Variants in SRSF1 observed in about 807,000 individuals in gnomAD.
SRSF1 encodes the protein serine/arginine-rich splicing factor 1.
In SRSF1, 1 loss-of-function variant was observed where a neutral mutation model predicts 25.9. The ratio of observed to expected loss-of-function variants is 0.04; its 90% confidence interval spans 0.01 to 0.18. The LOEUF is 0.18. SRSF1 is among the 10% of genes least tolerant of loss of function. The pLI is 1.00. For missense variants in SRSF1, 65 were observed against 350.5 expected, an observed-to-expected ratio of 0.19 and a Z score of 6.50; for synonymous variants, 132 against 126.2, an observed-to-expected ratio of 1.05 and a Z score of -0.31.
In SRSF1 at chr17:58,002,050, A is replaced by G. The variant is rs1347575394; in HGVS notation, c.*3356T>C. ...CAAAGTTTACTTAAGTCTAGCTCAC[A>G]TTAACCTTCCAAAATTATCATTAAT... On this transcript the variant is annotated 3_prime_UTR_variant, in exon 4 of 4. Transcript: ENST00000258962. Among the ~76,000 whole-genome samples the G allele has an allele frequency of 1.3e-5, 2 of 152,238 alleles. No individual in the cohort carries two copies. The highest frequency in any genetic ancestry group is 2.9e-5 in the Non-Finnish European group (2 of 68,038).
At chr17:57,999,797 T>C (rs574622105), downstream of SRSF1, among the ~76,000 whole-genome samples, 1 of 152,328 alleles carries the variant, frequency 6.6e-6, no homozygotes, top group South Asian at 2.1e-4. Flanking sequence ...AAGTTGTTTT[T>C]GTTCAAAGTG....
At chr17:58,006,656 A>G (rs1408494024) in intron 1 of SRSF1, 129 bp from the exon 2 acceptor site, 7 of 1,138,970 alleles carry the variant, frequency 6.1e-6, no homozygotes, top group South Asian at 4.8e-5. Context: ...CATAATAGGA[A>G]TGGCCCCTCC....
chr17:58,007,202 G>A lies in SRSF1; in HGVS notation c.-65C>T, dbSNP rs374319754. The stretch of plus-strand genomic sequence containing the variant: ...CACCAAGCCTAGCGCACGGCAGAGC[G>A]AGCCCGCAGCGGCACCACGTCTCCC... On this transcript the variant is annotated 5_prime_UTR_variant, in exon 1 of 4. Coordinates refer to ENST00000258962, the MANE Select transcript of SRSF1 (RefSeq NM_006924.5). 1.1e-5 allele frequency: 17 copies of A among 1,581,084 alleles called. No homozygotes were observed. Among genetic ancestry groups the A allele is most frequent in the Middle Eastern group, 1.7e-4 (1 of 5,942 alleles).
chr17:58,006,639 T>G, intron 1 of SRSF1, 112 bp from the exon 2 acceptor site: 4 of 1,281,856 alleles, frequency 3.1e-6, no homozygotes, highest in East Asian at 2.5e-5. Flanking sequence ...AGAGCCCACA[T>G]GCGCCGCATA....
chr17:58,006,029 C>T, intron 2 of SRSF1, 56 bp from the exon 3 acceptor site: 1 of 1,534,314 alleles, frequency 6.5e-7, no homozygotes, highest in Non-Finnish European at 8.9e-7. Context: ...TCACGTTAAG[C>T]TGGTAAGGTA....
chr17:57,994,862 A>G, the SRSF1 span: 1 of 152,198 alleles, frequency 6.6e-6, no homozygotes, highest in East Asian at 1.9e-4. Context: ...ATTTCAGTAA[A>G]ATAATTACTG....
chr17:57,999,619 C>T (rs566735554), downstream of SRSF1, among the ~76,000 whole-genome samples: 3 of 152,302 alleles, frequency 2.0e-5, no homozygotes, highest in African/African-American at 7.2e-5. Flanking sequence ...TAGCTGGTCT[C>T]TACTTTGTTC....
downstream of SRSF1, among the ~76,000 whole-genome samples, chr17:57,998,203 C>G (rs1201875145): frequency 6.6e-6 from 1 of 152,074 alleles, no homozygotes; most frequent in Non-Finnish European, 1.5e-5. Context: ...GAGTGAGACC[C>G]TGTGTCAAAA....
rs980187007 is a variant in SRSF1, at chr17:58,001,207, A to C, written c.*4199T>G. On this transcript the variant is annotated 3_prime_UTR_variant, in exon 4 of 4. Coordinates refer to ENST00000258962, the MANE Select transcript of SRSF1 (RefSeq NM_006924.5). ...CACACATAAGAAATCCACCTTGACC[A>C]CAGAAATGTGAAAACACCAGCCCTA... 2.4e-4 allele frequency among the ~76,000 whole-genome samples: 36 copies of C among 152,190 alleles called. No individual in the cohort carries two copies. Among genetic ancestry groups the C allele is most frequent in the African/African-American group, 7.0e-4 (29 of 41,452 alleles).
At position 58,004,034 on chromosome 17, in the gene SRSF1, CA is replaced by C. The variant is rs1317047607; in HGVS notation, c.*1371del. On this transcript the variant is annotated 3_prime_UTR_variant, in exon 4 of 4. Coordinates refer to ENST00000258962, the MANE Select transcript of SRSF1 (RefSeq NM_006924.5). ...ACCAGCAAAACCAAAAAAGAGGAGGCAAAATGTTAGATACTGTAATCAAAAA... is the reference window on the plus strand; with the variant it reads ...ACCAGCAAAACCAAAAAAGAGGAGGCAAATGTTAGATACTGTAATCAAAAA... 1 of 152,544 alleles carries C rather than the reference CA, an allele frequency of 6.6e-6. No homozygotes were observed. 9.4% of individuals were successfully genotyped at this position (152,544 alleles called of 1,614,324 possible). A position where few individuals can be genotyped will look rare whatever the true frequency, so the allele number is the denominator to read the frequency against.
At chr17:57,995,881 A>C in the SRSF1 span, among the ~76,000 whole-genome samples, 1 of 152,202 alleles carries the variant, frequency 6.6e-6, no homozygotes, top group East Asian at 1.9e-4. Flanking sequence ...AGTGGCTCAT[A>C]TCTGTAATCC....
chr17:57,999,026 C>T (rs771272774), downstream of SRSF1, among the ~76,000 whole-genome samples: 11 of 152,122 alleles, frequency 7.2e-5, no homozygotes, highest in Non-Finnish European at 1.5e-4. Flanking sequence ...ATGACAGATA[C>T]TAAAAGTGTT....
At chr17:57,989,684 C>A in the SRSF1 span, 4 of 398,636 alleles carry the variant, frequency 1.0e-5, no homozygotes, top group South Asian at 1.3e-4. Flanking sequence ...GGTCTGGTTC[C>A]TTTTAGAGCT....
chr17:57,989,618 C>G, the SRSF1 span: 5 of 398,428 alleles, frequency 1.3e-5, no homozygotes, highest in African/African-American at 1.0e-4. Context: ...GACAAGAATA[C>G]CCCCTCCCAT....
chr17:57,995,840 T>C, the SRSF1 span, among the ~76,000 whole-genome samples: 4 of 152,180 alleles, frequency 2.6e-5, no homozygotes, highest in Admixed American at 2.0e-4. Flanking sequence ...ACGTGAGAAT[T>C]AAAATGAGCC....
rs779400502 is a variant in SRSF1, at chr17:58,005,143, T to C, written c.*263A>G. 33 of 521,606 alleles carry C rather than the reference T, an allele frequency of 6.3e-5. No homozygotes were observed. The highest frequency in any genetic ancestry group is 9.1e-5 in the Non-Finnish European group (27 of 298,124). 32.3% of individuals were successfully genotyped at this position (521,606 alleles called of 1,614,324 possible). A position where few individuals can be genotyped will look rare whatever the true frequency, so the allele number is the denominator to read the frequency against. Reference sequence around the variant, plus strand: ...CCCAGTTCACACAAACCAGGGCAGATAGACATTTACACAATATCACAGTCT... The same window carrying C: ...CCCAGTTCACACAAACCAGGGCAGACAGACATTTACACAATATCACAGTCT... On this transcript the variant is annotated 3_prime_UTR_variant, in exon 4 of 4. Transcript: ENST00000258962. The surrounding 1 kb of genome is among the most constrained non-coding windows in gnomAD (Gnocchi z 5.2).
At chr17:57,991,394 C>T in the SRSF1 span, 1 of 152,158 alleles carries the variant, frequency 6.6e-6, no homozygotes, top group Admixed American at 6.5e-5. Flanking sequence ...GCTAAGACTG[C>T]TCCACAAACT....
At position 58,007,185 on chromosome 17, in the gene SRSF1, C is replaced by T. The variant is rs768467071; in HGVS notation, c.-48G>A. 26 of 1,605,582 alleles carry T rather than the reference C, an allele frequency of 1.6e-5. No individual in the cohort carries two copies. Among genetic ancestry groups the T allele is most frequent in the East Asian group, 4.5e-5 (2 of 44,800 alleles). On this transcript the variant is annotated 5_prime_UTR_variant, in exon 1 of 4. Transcript: ENST00000258962. ...TCGAGAACAGGCCTTCCCACCAAGC[C>T]TAGCGCACGGCAGAGCGAGCCCGCA...
At chr17:57,998,125 G>A (rs1436686056), downstream of SRSF1, among the ~76,000 whole-genome samples, 2 of 152,130 alleles carry the variant, frequency 1.3e-5, no homozygotes, top group East Asian at 1.9e-4. Flanking sequence ...CAGGAGAATC[G>A]CTTGAACCCG....
Sources: allele counts gnomAD v4.1 joint callset (sites outside exome capture counted in the v4.1 genomes callset), GRCh38; gene constraint gnomAD v4.1.1; non-coding constraint Gnocchi (gnomAD v3.1); transcripts MANE v1.5; gene names NCBI Gene and HGNC (gene_info 2026-07-23, HGNC 2026-07-21).